SP3: variants seen among roughly 807,000 people sequenced by gnomAD.
SP3 encodes transcription factor Sp3.
In SP3, 10 loss-of-function variants were observed where a neutral mutation model predicts 70.3. That is an observed-to-expected ratio of 0.14 (90% CI 0.09 to 0.24). The LOEUF (loss-of-function observed/expected upper bound fraction) is 0.24. Among genes scored for constraint, SP3 ranks in the 10% least tolerant of loss-of-function variants. The probability of loss-of-function intolerance (pLI) is 1.00; values close to 1 mark genes in which losing one functional copy is unlikely to be tolerated. For missense variants in SP3, 825 were observed against 914.6 expected (o/e 0.90, Z 1.26); for synonymous variants, 402 against 333.5 (o/e 1.21, Z -2.24).
At chr2:173,921,116 C>T (rs1574401585) in intron 4 of SP3, among the ~76,000 whole-genome samples, 1 of 151,970 alleles carries the variant, frequency 6.6e-6, no homozygotes, top group South Asian at 2.1e-4. Context: ...GCATATTGTA[C>T]TTCAATATAA....
chr2:173,965,254 G>A lies in SP3; in HGVS notation c.-83C>T. Reference sequence around the variant, plus strand: ...GAAGGCGGCGGCGGCGGGAGAGGATGCGGGAAGCGGCGGCGGACACGGCCG... The same window carrying A: ...GAAGGCGGCGGCGGCGGGAGAGGATACGGGAAGCGGCGGCGGACACGGCCG... On this transcript the variant is annotated 5_prime_UTR_variant, in exon 1 of 7. Transcript: ENST00000310015. The A allele has an allele frequency of 6.8e-7, 1 of 1,479,474 alleles. No individual in the cohort carries two copies. The highest frequency in any genetic ancestry group is 9.2e-7 in the Non-Finnish European group (1 of 1,086,134). The allele number at this position is 1,479,474 out of a possible 1,614,324, so 91.6% of individuals were successfully genotyped here.
chr2:173,955,499 T>C lies in SP3; in HGVS notation c.1013A>G (p.Gln338Arg). The C allele has an allele frequency of 1.9e-6, 3 of 1,614,168 alleles. No individual in the cohort carries two copies. Among genetic ancestry groups the C allele is most frequent in the Non-Finnish European group, 2.5e-6 (3 of 1,180,016 alleles). Residue 338 changes from glutamine to arginine, a missense_variant, in exon 4 of 7, where the codon CAG (glutamine) becomes CGG (arginine). By Grantham distance (43) the Gln-to-Arg change is conservative. This residue lies in a region of SP3 where 678 missense variants were observed against 651.6 expected (regional missense o/e 1.04). Transcript: ENST00000310015. The stretch of plus-strand genomic sequence containing the variant: ...TGTACTATCTATCGTAACAGGCAAC[T>C]GTGATGAAGAGGATGTTGGCACAAA... ...DLFVPTSSSS[Q>R]LPVTIDSTGI...
At chr2:173,940,238 C>T (rs927557065) in intron 4 of SP3, among the ~76,000 whole-genome samples, 3 of 152,174 alleles carry the variant, frequency 2.0e-5, no homozygotes, top group Non-Finnish European at 4.4e-5. Flanking sequence ...GGACCAGTTT[C>T]ATGGAAGACA....
At chr2:173,954,610 C>A (rs920514407) in intron 4 of SP3, among the ~76,000 whole-genome samples, 2 of 152,034 alleles carry the variant, frequency 1.3e-5, no homozygotes, top group African/African-American at 4.8e-5. Context: ...AATCAGATGT[C>A]AAAACAAATA....
chr2:173,938,340 C>T (rs1307765132), intron 4 of SP3, among the ~76,000 whole-genome samples: 4 of 151,322 alleles, frequency 2.6e-5, no homozygotes, highest in African/African-American at 7.3e-5. Context: ...GCCTGTAATC[C>T]CAGCTACTCG....
At position 173,901,845 on chromosome 2, in the gene SP3, G is replaced by T. The variant is rs903450341; in HGVS notation, c.*8096C>A. ...GCCTCCCGAGTAGCTGGGATTGCAG[G>T]CATGCGCCACCACCCCCAGCTAATT... On this transcript the variant is annotated 3_prime_UTR_variant, in exon 7 of 7. Coordinates refer to ENST00000310015, the MANE Select transcript of SP3 (RefSeq NM_003111.5). Among the ~76,000 whole-genome samples, 6 of 152,012 alleles carry T rather than the reference G, an allele frequency of 3.9e-5. No homozygotes were observed. The highest frequency in any genetic ancestry group is 7.4e-5 in the Non-Finnish European group (5 of 68,014).
At position 173,903,970 on chromosome 2, in the gene SP3, G is replaced by A. The variant is rs1689241122; in HGVS notation, c.*5971C>T. Among the ~76,000 whole-genome samples, 2 of 142,520 alleles carry A rather than the reference G, an allele frequency of 1.4e-5. No individual in the cohort carries two copies. Among genetic ancestry groups the A allele is most frequent in the Non-Finnish European group, 3.1e-5 (2 of 65,234 alleles). The allele number at this position is 142,520 out of a possible 152,430, so 93.5% of individuals were successfully genotyped here. A position where few individuals can be genotyped will look rare whatever the true frequency, so the allele number is the denominator to read the frequency against. On this transcript the variant is annotated 3_prime_UTR_variant, in exon 7 of 7. Coordinates refer to ENST00000310015, the MANE Select transcript of SP3 (RefSeq NM_003111.5). ...TTTGGCACCAGGGACTAGTTTTGAG[G>A]AAGACAATTTTTTCATGGATGGGGG...
intron 4 of SP3, among the ~76,000 whole-genome samples, chr2:173,940,046 T>G (rs906183689): frequency 6.6e-6 from 1 of 152,054 alleles, no homozygotes; most frequent in African/African-American, 2.4e-5. Context: ...GCTAATTTTT[T>G]TTTGTTTTTT....
At chr2:173,914,229 A>G (rs1689567962) in intron 5 of SP3, 1 of 152,158 alleles carries the variant, frequency 6.6e-6, no homozygotes, top group East Asian at 1.9e-4. Flanking sequence ...AAAAAACATG[A>G]CACTTTGGAC....
chr2:173,956,750 C>CT (rs1690907294), intron 3 of SP3, among the ~76,000 whole-genome samples: 1 of 152,142 alleles, frequency 6.6e-6, no homozygotes, highest in Admixed American at 6.5e-5. Context: ...CTATCAAACT[C>CT]TACTTTTTCC....
chr2:173,929,190 T>C (rs1690001320), intron 4 of SP3, among the ~76,000 whole-genome samples: 1 of 152,156 alleles, frequency 6.6e-6, no homozygotes, highest in African/African-American at 2.4e-5. Context: ...CCACTCACAT[T>C]TTACTGGTTA....
chr2:173,964,334 GGAGGGGAGAGGC>G (rs1361998673), intron 2 of SP3, 59 bp downstream of exon 2: 2 of 635,686 alleles, frequency 3.1e-6, no homozygotes, highest in Admixed American at 2.3e-5. Flanking sequence ...AGGCGAGGAG[GGAGGGGAGAGGC>G]GAGGGGAGGA....
chr2:173,937,924 T>C (rs963462644), intron 4 of SP3, among the ~76,000 whole-genome samples: 1 of 152,226 alleles, frequency 6.6e-6, no homozygotes, highest in Non-Finnish European at 1.5e-5. Context: ...TCTCTCATCA[T>C]GTTATTCTTA....
At position 173,905,262 on chromosome 2, in the gene SP3, G is replaced by A. The variant is rs563647397; in HGVS notation, c.*4679C>T. ...GAAAAATGGAATCTCCAGAGTTAAG[G>A]GGGGAGGAAGGCATTGGAAGGAGGT... On this transcript the variant is annotated 3_prime_UTR_variant, in exon 7 of 7. Coordinates refer to ENST00000310015, the MANE Select transcript of SP3 (RefSeq NM_003111.5). Among the ~76,000 whole-genome samples, 2 of 152,192 alleles carry A rather than the reference G, an allele frequency of 1.3e-5. No homozygotes were observed. Among genetic ancestry groups the A allele is most frequent in the Admixed American group, 1.3e-4 (2 of 15,280 alleles).
intron 6 of SP3, among the ~76,000 whole-genome samples, chr2:173,911,795 G>T: frequency 6.9e-6 from 1 of 145,028 alleles, no homozygotes; most frequent in East Asian, 2.0e-4. Context: ...AGACTGCAAC[G>T]CAAAATCTTT....
intron 6 of SP3, among the ~76,000 whole-genome samples, chr2:173,911,813 C>CTTTT (rs11448837): frequency 0.026 from 2,563 of 97,974 alleles, 94 homozygotes; most frequent in Non-Finnish European, 0.036. Flanking sequence ...TTTTATCTAC[C>CTTTT]TTTTTTTTTT....
Position 173,929,920 on chromosome 2 carries a change from C to T in SP3, c.1640-11135G>A, listed in dbSNP as rs72911163. Among the ~76,000 whole-genome samples, 168 of 152,184 alleles carry T rather than the reference C, an allele frequency of 1.1e-3. 2 individuals are homozygous for T. The highest frequency in any genetic ancestry group is 3.8e-3 in the African/African-American group (156 of 41,518). ...AATTAGAAGGCTTATCTATTTGATTCTATCCAATTCCAAGCGCCAATGTCC... is the reference window on the plus strand; with the variant it reads ...AATTAGAAGGCTTATCTATTTGATTTTATCCAATTCCAAGCGCCAATGTCC... On this transcript the variant is annotated intron_variant, in intron 4 of 6. Coordinates refer to ENST00000310015, the MANE Select transcript of SP3 (RefSeq NM_003111.5).
chr2:173,912,125 T>C (rs1036260163), intron 6 of SP3, among the ~76,000 whole-genome samples: 1 of 152,234 alleles, frequency 6.6e-6, no homozygotes, highest in Non-Finnish European at 1.5e-5. Context: ...TGCAGCCTTA[T>C]CTACTTTCTT....
chr2:173,908,250 G>A lies in SP3; in HGVS notation c.*1691C>T, dbSNP rs1396132448. The A allele has an allele frequency of 6.6e-6, 1 of 152,056 alleles. No homozygotes were observed. The highest frequency in any genetic ancestry group is 1.5e-5 in the Non-Finnish European group (1 of 67,930). 9.4% of individuals were successfully genotyped at this position (152,056 alleles called of 1,614,324 possible). ...CTTTAAAACGGAAAACAAAAAAATT[G>A]CAAAATGGTACTGATAAAACTGATA... On this transcript the variant is annotated 3_prime_UTR_variant, in exon 7 of 7. Transcript: ENST00000310015.
Sources: gnomAD v4.1 joint callset for allele counts (sites outside exome capture counted in the v4.1 genomes callset) on GRCh38, gnomAD v4.1.1 for gene constraint, gnomAD v4.1.1 regional missense constraint, MANE v1.5 for transcripts, NCBI Gene and HGNC (gene_info 2026-07-23, HGNC 2026-07-21) for gene names.